SLC30A8: variants seen among roughly 807,000 people sequenced by gnomAD.
SLC30A8 encodes solute carrier family 30 member 8.
Under a neutral mutation model 36.9 loss-of-function variants are expected in SLC30A8, and 27 were observed. That is an observed-to-expected ratio of 0.73 (90% confidence interval 0.54 to 1.01). SLC30A8 has a LOEUF of 1.01. Ranked by LOEUF, SLC30A8 falls within the 50% of genes least tolerant of loss-of-function variation. The pLI is 0.00. For missense variants in SLC30A8, 439 were observed against 452.0 expected, an observed-to-expected ratio of 0.97 and a Z score of 0.26; for synonymous variants, 164 against 172.4, an observed-to-expected ratio of 0.95 and a Z score of 0.38.
intron 2 of SLC30A8, among the ~76,000 whole-genome samples, chr8:117,041,250 A>G (rs1394874): frequency 0.34 from 51,101 of 152,170 alleles, 10,897 homozygotes; most frequent in African/African-American, 0.61. Context: ...TGGGGCTCAG[A>G]TTGAGGGAGG....
At chr8:117,048,057 G>C (rs1817606177) in intron 2 of SLC30A8, among the ~76,000 whole-genome samples, 1 of 152,170 alleles carries the variant, frequency 6.6e-6, no homozygotes, top group Admixed American at 6.5e-5. Flanking sequence ...GCAGCTCTTG[G>C]GGCTGCTCTG....
chr8:117,059,291 G>A (rs775988215), intron 2 of SLC30A8, among the ~76,000 whole-genome samples: 35 of 152,248 alleles, frequency 2.3e-4, no homozygotes, highest in Non-Finnish European at 4.0e-4. Context: ...GTAGCCTGGG[G>A]AATGCATCGG....
At chr8:117,054,981 G>A (rs902384258) in intron 2 of SLC30A8, among the ~76,000 whole-genome samples, 1 of 152,184 alleles carries the variant, frequency 6.6e-6, no homozygotes, top group African/African-American at 2.4e-5. Context: ...TTGGTCTCCA[G>A]CTAAAAGATC....
intron 2 of SLC30A8, among the ~76,000 whole-genome samples, chr8:117,062,709 CTA>C (rs1818056904): frequency 6.6e-6 from 1 of 152,138 alleles, no homozygotes; most frequent in African/African-American, 2.4e-5. Flanking sequence ...AAGTAGGAAA[CTA>C]TAGAGGGAGG....
intron 1 of SLC30A8, among the ~76,000 whole-genome samples, chr8:116,995,351 A>G (rs1815779604): frequency 6.6e-6 from 1 of 152,116 alleles, no homozygotes; most frequent in Admixed American, 6.5e-5. Context: ...AAATAAAGCC[A>G]TCCAAATAGG....
At chr8:117,014,090 G>C (rs765946593) in intron 1 of SLC30A8, among the ~76,000 whole-genome samples, 1 of 152,058 alleles carries the variant, frequency 6.6e-6, no homozygotes, top group Non-Finnish European at 1.5e-5. Flanking sequence ...TGCAGTTTTT[G>C]CCACTGCGTT....
chr8:116,987,041 G>A (rs929123510), intron 1 of SLC30A8, among the ~76,000 whole-genome samples: 1 of 151,986 alleles, frequency 6.6e-6, no homozygotes, highest in African/African-American at 2.4e-5. Flanking sequence ...ATATGATAGC[G>A]CACTGACAAT....
At chr8:116,995,510 T>C (rs1815784589) in intron 1 of SLC30A8, among the ~76,000 whole-genome samples, 1 of 152,074 alleles carries the variant, frequency 6.6e-6, no homozygotes, top group Non-Finnish European at 1.5e-5. Flanking sequence ...TTACGGAATT[T>C]GTATCTGGAG....
chr8:116,954,426 G>C (rs1336264203), intron 1 of SLC30A8, among the ~76,000 whole-genome samples: 1 of 152,062 alleles, frequency 6.6e-6, no homozygotes, highest in African/African-American at 2.4e-5. Context: ...CTGATGGCTG[G>C]GCAGAAAAAG....
At position 117,138,592 on chromosome 8, in the gene SLC30A8, G is replaced by T. The variant is rs547089899; in HGVS notation, c.71+3194G>T. On this transcript the variant is annotated intron_variant, in intron 1 of 7. Coordinates refer to ENST00000456015, the MANE Select transcript of SLC30A8 (RefSeq NM_173851.3). ...TCAGGTTGCAGAAATTCTATTCATT[G>T]TAGACAGGACCAAGAGGACTATGGT... Among the ~76,000 whole-genome samples the T allele has an allele frequency of 7.9e-4, 120 of 152,100 alleles. 1 individual carries two copies. The highest frequency in any genetic ancestry group is 2.7e-3 in the African/African-American group (112 of 41,510).
chr8:117,094,625 T>C (rs1586500813), intron 2 of SLC30A8, among the ~76,000 whole-genome samples: 1 of 151,240 alleles, frequency 6.6e-6, no homozygotes, highest in East Asian at 2.0e-4. Context: ...TGGCCATGGG[T>C]GGGCCTGGAA....
At chr8:117,053,186 C>T (rs1359071451) in intron 2 of SLC30A8, among the ~76,000 whole-genome samples, 1 of 152,186 alleles carries the variant, frequency 6.6e-6, no homozygotes, top group Non-Finnish European at 1.5e-5. Flanking sequence ...GCTTCGGCCT[C>T]CCAAAGTGCT....
intron 2 of SLC30A8, among the ~76,000 whole-genome samples, chr8:117,096,265 G>A (rs1273519452): frequency 5.9e-5 from 9 of 152,304 alleles, no homozygotes; most frequent in East Asian, 1.9e-4. Flanking sequence ...CCTCATCCAT[G>A]TATGTGGTAA....
intron 1 of SLC30A8, among the ~76,000 whole-genome samples, chr8:116,997,248 C>T (rs1815853258): frequency 6.6e-6 from 1 of 152,082 alleles, no homozygotes; most frequent in African/African-American, 2.4e-5. Flanking sequence ...CACAGTTTGC[C>T]TGTTCTTCTG....
At chr8:117,003,319 T>A (rs531583953) in intron 1 of SLC30A8, among the ~76,000 whole-genome samples, 57 of 152,260 alleles carry the variant, frequency 3.7e-4, no homozygotes, top group African/African-American at 1.3e-3. Flanking sequence ...TACTAAGTGG[T>A]AGGTAAAGTG....
intron 1 of SLC30A8, among the ~76,000 whole-genome samples, chr8:117,137,489 A>G (rs1470101431): frequency 5.9e-5 from 9 of 151,976 alleles, no homozygotes; most frequent in Admixed American, 1.3e-4. Context: ...AACAACAACT[A>G]TTTTATTACG....
chr8:116,964,769 A>G (rs1814543424), intron 1 of SLC30A8, among the ~76,000 whole-genome samples: 1 of 152,222 alleles, frequency 6.6e-6, no homozygotes. Flanking sequence ...TTATTAACCT[A>G]CTAAAGCCCC....
chr8:117,054,345 C>T (rs552639058), intron 2 of SLC30A8, among the ~76,000 whole-genome samples: 20 of 152,244 alleles, frequency 1.3e-4, no homozygotes, highest in Admixed American at 5.9e-4. Context: ...GAGCAATCCC[C>T]TTGTCTCAGC....
intron 2 of SLC30A8, among the ~76,000 whole-genome samples, chr8:117,127,865 T>A (rs1164562032): frequency 1.3e-5 from 2 of 152,086 alleles, no homozygotes; most frequent in Non-Finnish European, 2.9e-5. Context: ...ACTTTAAGGA[T>A]AAAATGTTGG....
Sources: allele counts gnomAD v4.1 joint callset (sites outside exome capture counted in the v4.1 genomes callset), GRCh38; gene constraint gnomAD v4.1.1; transcripts MANE v1.5; gene names NCBI Gene and HGNC (gene_info 2026-07-23, HGNC 2026-07-21).